Variants in ZNF649 observed in about 807,000 individuals in gnomAD.
The protein encoded by ZNF649 is zinc finger protein 649.
In ZNF649, 7 loss-of-function variants were observed where a neutral mutation model predicts 14.1. That is an observed-to-expected ratio of 0.49 (90% confidence interval 0.28 to 0.93). The LOEUF is 0.93. Among genes scored for constraint, ZNF649 ranks in the 40% least tolerant of loss-of-function variants. The probability of loss-of-function intolerance (pLI) is 0.10; values close to 1 mark genes in which losing one functional copy is unlikely to be tolerated. For missense variants in ZNF649, 544 were observed against 608.1 expected (o/e 0.89, Z 1.11); for synonymous variants, 227 against 212.3 (o/e 1.07, Z -0.60).
chr19:51,896,352 G>T, intron 4 of ZNF649, 120 bp downstream of exon 4: 1 of 802,458 alleles, frequency 1.2e-6, no homozygotes, highest in Non-Finnish European at 2.1e-6. Context: ...TCCTAGGGGA[G>T]AAGAAGATGT....
At chr19:51,896,408 T>C (rs2085062605) in intron 4 of ZNF649, 64 bp downstream of exon 4, 4 of 1,439,208 alleles carry the variant, frequency 2.8e-6, no homozygotes, top group East Asian at 2.3e-5. Context: ...CTGTCATGCC[T>C]TCTCTAAATG....
chr19:51,897,389 A>G (rs1320614831), intron 2 of ZNF649, among the ~76,000 whole-genome samples: 4 of 152,230 alleles, frequency 2.6e-5, no homozygotes, highest in Admixed American at 6.5e-5. Flanking sequence ...CCAACAAATC[A>G]TAAGTTTCTG....
At chr19:51,904,635 A>G (rs897820075) in intron 1 of ZNF649, among the ~76,000 whole-genome samples, 1 of 151,960 alleles carries the variant, frequency 6.6e-6, no homozygotes, top group African/African-American at 2.4e-5. Context: ...CGTCGGTGAT[A>G]AAGCCGGCGT....
rs1200666185 is a variant in ZNF649, at chr19:51,890,545, A to G, written c.*73T>C. ...CCCTACTATACATATTAGTGCAGGG[A>G]GCCAAAGGCCCATGGGACATGACAA... On this transcript the variant is annotated 3_prime_UTR_variant, in exon 5 of 5. Coordinates refer to ENST00000354957, the MANE Select transcript of ZNF649 (RefSeq NM_023074.4). 5.2e-6 allele frequency: 5 copies of G among 970,744 alleles called. No individual in the cohort carries two copies. In the East Asian group the frequency reaches 7.2e-5, roughly 14 times the overall value. 60.1% of individuals were successfully genotyped at this position (970,744 alleles called of 1,614,324 possible).
At position 51,890,729 on chromosome 19, in the gene ZNF649, T is replaced by G. The variant is rs754831506; in HGVS notation, c.1407A>C (p.Ala469=). The G allele has an allele frequency of 3.1e-6, 5 of 1,614,136 alleles. No homozygotes were observed. The highest frequency in any genetic ancestry group is 1.1e-5 in the South Asian group (1 of 91,090). ...GTTCACTAGGACTTAAGCTGTGACT[T>G]GCTGTGGAAGGATTTTCCACCTTCA... The part of the protein sequence containing the change: ...DSVKVENPST[A]SHSLSPSEHV... Residue 469 remains alanine, a synonymous_variant, in exon 5 of 5, where the codon GCA becomes GCC. Coordinates refer to ENST00000354957, the MANE Select transcript of ZNF649 (RefSeq NM_023074.4).
chr19:51,896,921 G>A lies in ZNF649; in HGVS notation c.73C>T (p.Leu25=). The A allele has an allele frequency of 1.2e-6, 2 of 1,614,202 alleles. No homozygotes were observed. The highest frequency in any genetic ancestry group is 1.3e-5 in the African/African-American group (1 of 75,040). The change falls in exon 3 of 5, where the codon CTG becomes TTG. Residue 25 remains leucine, a synonymous_variant. Transcript: ENST00000354957. ...TACAGGTCCTTCTGAGCAGGGCTCA[G>A]GAACTGCCACTCCTCCCAGGTGAAG... ...VDFTWEEWQF[L]SPAQKDLYRD...
At position 51,890,933 on chromosome 19, in the gene ZNF649, G is replaced by C. The variant is rs2085017527; in HGVS notation, c.1203C>G (p.Pro401=). The C allele has an allele frequency of 2.5e-6, 4 of 1,613,626 alleles. No individual in the cohort carries two copies. The highest frequency in any genetic ancestry group is 1.1e-5 in the South Asian group (1 of 91,022). The change falls in exon 5 of 5, where the codon CCC becomes CCG. Residue 401 remains proline, a synonymous_variant. Coordinates refer to ENST00000354957, the MANE Select transcript of ZNF649 (RefSeq NM_023074.4). ...RHQKIHSGEK[P]YKCSDCGKAF... ...CTTTCCCACAGTCACTGCATTTATA[G>C]GGTTTCTCTCCTGAGTGAATTTTCT...
chr19:51,900,146 T>A lies in ZNF649; in HGVS notation c.-39A>T. 3 of 1,480,844 alleles carry A rather than the reference T, an allele frequency of 2.0e-6. No individual in the cohort carries two copies. Among genetic ancestry groups the A allele is most frequent in the Non-Finnish European group, 2.7e-6 (3 of 1,113,634 alleles). The allele number at this position is 1,480,844 out of a possible 1,614,324, so 91.7% of individuals were successfully genotyped here. ...AGGAAATACCCAAGAACTGGGATGC[T>A]TCGTCTTTGGTTTCTTCTGGATCCT... On this transcript the variant is annotated 5_prime_UTR_variant, in exon 2 of 5. It adds an upstream start codon to the 5' untranslated region. Coordinates refer to ENST00000354957, the MANE Select transcript of ZNF649 (RefSeq NM_023074.4).
At chr19:51,902,234 G>T (rs1032402466) in intron 1 of ZNF649, among the ~76,000 whole-genome samples, 1 of 152,170 alleles carries the variant, frequency 6.6e-6, no homozygotes, top group Non-Finnish European at 1.5e-5. Context: ...CAGCTATCTT[G>T]TTATAGCAGC....
chr19:51,897,056 C>T, intron 2 of ZNF649, 78 bp from the exon 3 acceptor site: 2 of 1,593,158 alleles, frequency 1.3e-6, no homozygotes, highest in East Asian at 2.2e-5. Context: ...GGCCCATTTT[C>T]ACCACATAAG....
Position 51,889,314 on chromosome 19 carries a change from G to T in ZNF649, c.*1304C>A, listed in dbSNP as rs747921853. ...ATGATAAGTTCATGATTTTCTTTCA[G>T]TCAGTTCAGGCTACTAGAAAAAATA... On this transcript the variant is annotated 3_prime_UTR_variant, in exon 5 of 5. Coordinates refer to ENST00000354957, the MANE Select transcript of ZNF649 (RefSeq NM_023074.4). 5 of 152,104 alleles carry T rather than the reference G, an allele frequency of 3.3e-5. No individual in the cohort carries two copies. The highest frequency in any genetic ancestry group is 7.3e-5 in the Non-Finnish European group (5 of 68,036). The allele number at this position is 152,104 out of a possible 1,614,324, so 9.4% of individuals were successfully genotyped here. A position where few individuals can be genotyped will look rare whatever the true frequency, so the allele number is the denominator to read the frequency against.
chr19:51,896,497 A>G lies in ZNF649; in HGVS notation c.213T>C (p.Asp71=), dbSNP rs1361808524. 6 of 1,613,952 alleles carry G rather than the reference A, an allele frequency of 3.7e-6. No homozygotes were observed. In the Admixed American group the frequency reaches 5.0e-5, roughly 13 times the overall value. The change falls in exon 4 of 5, where the codon GAT becomes GAC. Residue 71 remains aspartate (D), a synonymous_variant. Coordinates refer to ENST00000354957, the MANE Select transcript of ZNF649 (RefSeq NM_023074.4). The stretch of plus-strand genomic sequence containing the variant: ...CTGGGTGGGCTGGACTGTGGATTTC[A>G]TCTTCTAGTGTCCATAGTGGTTCTC... ...EQGEPLWTLE[D]EIHSPAHPEI...
chr19:51,894,847 T>C (rs1488545327), intron 4 of ZNF649, among the ~76,000 whole-genome samples: 1 of 151,646 alleles, frequency 6.6e-6, no homozygotes, highest in Non-Finnish European at 1.5e-5. Context: ...CGAGAGAGCT[T>C]CATGTAAAGA....
Position 51,890,486 on chromosome 19 carries a change from AT to A in ZNF649, c.*131del, listed in dbSNP as rs1174917763. ...GGAGGGGTAGTGAGGTTTATAAGATATAAAAAAGTAAAATATATTTCATATC... is the reference window on the plus strand; with the variant it reads ...GGAGGGGTAGTGAGGTTTATAAGATAAAAAAAGTAAAATATATTTCATATC... On this transcript the variant is annotated 3_prime_UTR_variant, in exon 5 of 5. Transcript: ENST00000354957. 1.6e-6 allele frequency: 1 copy of A among 619,130 alleles called. No homozygotes were observed. The highest frequency in any genetic ancestry group is 1.8e-5 in the African/African-American group (1 of 54,254). 38.4% of individuals were successfully genotyped at this position (619,130 alleles called of 1,614,324 possible).
At chr19:51,894,213 A>G (rs1394726701) in intron 4 of ZNF649, among the ~76,000 whole-genome samples, 1 of 151,304 alleles carries the variant, frequency 6.6e-6, no homozygotes, top group Non-Finnish European at 1.5e-5. Context: ...GCTCACTTCA[A>G]CCTCCGCCTC....
chr19:51,898,928 T>TAA (rs990286150), intron 2 of ZNF649, among the ~76,000 whole-genome samples: 2 of 128,320 alleles, frequency 1.6e-5, no homozygotes, highest in Non-Finnish European at 3.0e-5. Flanking sequence ...AAATAAAAAA[T>TAA]AAAAAAAAGA....
chr19:51,895,469 G>A (rs908150048), intron 4 of ZNF649, among the ~76,000 whole-genome samples: 4 of 151,948 alleles, frequency 2.6e-5, no homozygotes, highest in Non-Finnish European at 5.9e-5. Flanking sequence ...TCAGCCTCCT[G>A]AGTAGCTGGG....
rs115364728 is a variant in ZNF649, at chr19:51,896,616, G to A, written c.143-49C>T. The A allele has an allele frequency of 1.0e-3, 1,625 of 1,588,172 alleles. 15 individuals are homozygous for A. The African/African-American group carries it at 0.018, about 18-fold the overall frequency. On this transcript the variant is annotated intron_variant, in intron 3 of 4. Coordinates refer to ENST00000354957, the MANE Select transcript of ZNF649 (RefSeq NM_023074.4). ...ACTTAGGCTCACTGAATTGCACCAC[G>A]TGGCTCTGATGATAGGAGAAAGGTA... is the stretch of plus-strand genomic sequence containing the variant.
At chr19:51,898,790 G>A (rs2085079015) in intron 2 of ZNF649, among the ~76,000 whole-genome samples, 2 of 151,924 alleles carry the variant, frequency 1.3e-5, no homozygotes, top group South Asian at 4.2e-4. Flanking sequence ...GTTTGTACCT[G>A]TGGTTCCAGC....
Sources: allele counts gnomAD v4.1 joint callset (sites outside exome capture counted in the v4.1 genomes callset), GRCh38; gene constraint gnomAD v4.1.1; transcripts MANE v1.5; gene names NCBI Gene and HGNC (gene_info 2026-07-23, HGNC 2026-07-21).